DSC2: variants seen among roughly 807,000 people sequenced by gnomAD.
DSC2 encodes the protein desmocollin-2.
A neutral mutation model predicts 87.6 loss-of-function variants in DSC2; 51 were observed. The ratio of observed to expected loss-of-function variants is 0.58; its 90% confidence interval spans 0.46 to 0.74. The LOEUF is 0.74. Among genes scored for constraint, DSC2 ranks in the 30% least tolerant of loss-of-function variants. The probability of loss-of-function intolerance (pLI) is 0.00; values close to 1 mark genes in which losing one functional copy is unlikely to be tolerated. For synonymous variants in DSC2, 383 were observed against 393.2 expected, an observed-to-expected ratio of 0.97 and a Z score of 0.31; for missense variants, 1,066 against 1,089.5, an observed-to-expected ratio of 0.98 and a Z score of 0.30.
intron 1 of DSC2, among the ~76,000 whole-genome samples, chr18:31,099,315 A>C (rs1304415212): frequency 6.6e-6 from 1 of 152,192 alleles, no homozygotes; most frequent in Non-Finnish European, 1.5e-5. Flanking sequence ...AACTCATAGA[A>C]GCAGAAAATA....
chr18:31,075,027 G>A lies in DSC2; in HGVS notation c.1664-120C>T, dbSNP rs1356415193. 10 of 1,029,854 alleles carry A rather than the reference G, an allele frequency of 9.7e-6. No individual in the cohort carries two copies. The African/African-American group carries it at 1.4e-4, about 15-fold the overall frequency. The allele number at this position is 1,029,854 out of a possible 1,614,324, so 63.8% of individuals were successfully genotyped here. On this transcript the variant is annotated intron_variant, in intron 11 of 15. Transcript: ENST00000280904. ...TATAATGTAGAAGTTACAATGACAAGCAGTCACAAGCTATGTCCTCAGGGA... is the reference window on the plus strand; with the variant it reads ...TATAATGTAGAAGTTACAATGACAAACAGTCACAAGCTATGTCCTCAGGGA...
At chr18:31,076,031 T>C (rs1987005990) in intron 11 of DSC2, among the ~76,000 whole-genome samples, 1 of 152,210 alleles carries the variant, frequency 6.6e-6, no homozygotes, top group South Asian at 2.1e-4. Context: ...CCAGGAGTTC[T>C]GTCTCTAAAT....
chr18:31,067,978 T>G lies in DSC2; in HGVS notation c.*37A>C, dbSNP rs776618549. 1 of 1,600,344 alleles carries G rather than the reference T, an allele frequency of 6.2e-7. No homozygotes were observed. On this transcript the variant is annotated 3_prime_UTR_variant, in exon 16 of 16. Coordinates refer to ENST00000280904, the MANE Select transcript of DSC2 (RefSeq NM_024422.6). ...GGTTTGTAATTTTTTTTAAAAGTCA[T>G]AAAGCCACTGGCTTTCAGAGACTTA...
intron 3 of DSC2, 88 bp downstream of exon 3, chr18:31,092,013 T>C: frequency 2.9e-6 from 4 of 1,402,242 alleles, no homozygotes; most frequent in South Asian, 1.3e-5. Flanking sequence ...AACTATACCA[T>C]ATCCTTTCTG....
intron 14 of DSC2, 150 bp downstream of exon 14, chr18:31,070,576 G>T: frequency 9.5e-7 from 1 of 1,055,154 alleles, no homozygotes; most frequent in Non-Finnish European, 1.4e-6. Flanking sequence ...GTAAATCAAA[G>T]TCATTTTATC....
At chr18:31,097,176 T>C (rs1336347398) in intron 1 of DSC2, among the ~76,000 whole-genome samples, 2 of 151,112 alleles carry the variant, frequency 1.3e-5, no homozygotes, top group Non-Finnish European at 2.9e-5. Flanking sequence ...TAGTCCCGGC[T>C]ACTCGGGAGG....
intron 1 of DSC2, among the ~76,000 whole-genome samples, chr18:31,099,483 G>C (rs997997630): frequency 1.3e-5 from 2 of 150,182 alleles, no homozygotes; most frequent in African/African-American, 4.9e-5. Flanking sequence ...GTGTTAGGAG[G>C]GTAGATCTCA....
chr18:31,102,070 C>T lies in DSC2; in HGVS notation c.-99G>A, dbSNP rs1395018397. The T allele has an allele frequency of 9.2e-7, 1 of 1,084,706 alleles. No homozygotes were observed. The highest frequency in any genetic ancestry group is 1.2e-6 in the Non-Finnish European group (1 of 816,366). 67.2% of individuals were successfully genotyped at this position (1,084,706 alleles called of 1,614,324 possible). ...GCCGGAGCGCAGTCTGGGCCCGCTG[C>T]TCAGGAGGAGCGCGAGGCGGAGGAG... On this transcript the variant is annotated 5_prime_UTR_variant, in exon 1 of 16. Transcript: ENST00000280904.
At position 31,067,856 on chromosome 18, in the gene DSC2, G is replaced by T. The variant is rs1268940629; in HGVS notation, c.*159C>A. The T allele has an allele frequency of 4.5e-6, 3 of 673,390 alleles. No homozygotes were observed. The highest frequency in any genetic ancestry group is 7.5e-6 in the Non-Finnish European group (3 of 398,700). 41.7% of individuals were successfully genotyped at this position (673,390 alleles called of 1,614,324 possible). A position where few individuals can be genotyped will look rare whatever the true frequency, so the allele number is the denominator to read the frequency against. On this transcript the variant is annotated 3_prime_UTR_variant, in exon 16 of 16. Coordinates refer to ENST00000280904, the MANE Select transcript of DSC2 (RefSeq NM_024422.6). ...TGAAAAATTTGTGTACTTGTTTATA[G>T]TGTCTCTCTGTAAATGTGCATTTGA...
chr18:31,082,137 A>G, intron 9 of DSC2, 101 bp downstream of exon 9: 2 of 1,135,614 alleles, frequency 1.8e-6, no homozygotes, highest in Non-Finnish European at 2.5e-6. Context: ...TTATATACCT[A>G]TTTTATTCTA....
chr18:31,093,402 A>G (rs574972165), intron 2 of DSC2, among the ~76,000 whole-genome samples, 157 bp downstream of exon 2: 3 of 152,284 alleles, frequency 2.0e-5, no homozygotes, highest in East Asian at 3.9e-4. Flanking sequence ...TTGATTTTCT[A>G]TTCCTGTGTT....
chr18:31,079,880 T>A lies in DSC2; in HGVS notation c.1630A>T (p.Ile544Leu). The change falls in exon 11 of 16, where the codon ATA becomes TTA. Residue 544 changes from isoleucine (I) to leucine (L), a missense_variant. By Grantham distance (5) the Ile-to-Leu change is conservative. Coordinates refer to ENST00000280904, the MANE Select transcript of DSC2 (RefSeq NM_024422.6). Reference protein sequence around the residue: ...DREAETIKNGIYNITVLASDQ... With the variant: ...DREAETIKNGLYNITVLASDQ... The stretch of plus-strand genomic sequence containing the variant: ...GATGCAAGGACTGTAATATTATATA[T>A]GCCATTTTTGATGGTCTCTGCCTCT... 7 of 1,613,992 alleles carry A rather than the reference T, an allele frequency of 4.3e-6. No individual in the cohort carries two copies. The highest frequency in any genetic ancestry group is 3.3e-5 in the South Asian group (3 of 91,082).
chr18:31,067,807 A>T lies in DSC2; in HGVS notation c.*208T>A. 1.8e-6 allele frequency: 1 copy of T among 559,322 alleles called. No individual in the cohort carries two copies. The highest frequency in any genetic ancestry group is 3.2e-5 in the Admixed American group (1 of 31,668). 34.6% of individuals were successfully genotyped at this position (559,322 alleles called of 1,614,324 possible). On this transcript the variant is annotated 3_prime_UTR_variant, in exon 16 of 16. Coordinates refer to ENST00000280904, the MANE Select transcript of DSC2 (RefSeq NM_024422.6). ...TGTAGACCTCCTTGGATAGAAGATA[A>T]GTAATTTAAAAATATGTAAAAATTG...
At chr18:31,095,796 T>C (rs894127145) in intron 1 of DSC2, among the ~76,000 whole-genome samples, 4 of 151,940 alleles carry the variant, frequency 2.6e-5, no homozygotes, top group African/African-American at 4.8e-5. Flanking sequence ...CAGGGAGCTA[T>C]GGGAGAGCAG....
rs1987076603 is a variant in DSC2 at position 31,077,941 on chromosome 18, T to C, written c.1663+1906A>G. 2.6e-5 allele frequency among the ~76,000 whole-genome samples: 4 copies of C among 152,150 alleles called. No individual in the cohort carries two copies. In the South Asian group the frequency reaches 8.3e-4, roughly 32 times the overall value. ...AAGAAGTTAAGAAGAAAAGATAAATTGAATTTAAAGCTTAAGAAATATATA... is the reference window on the plus strand; with the variant it reads ...AAGAAGTTAAGAAGAAAAGATAAATCGAATTTAAAGCTTAAGAAATATATA... On this transcript the variant is annotated intron_variant, in intron 11 of 15. Coordinates refer to ENST00000280904, the MANE Select transcript of DSC2 (RefSeq NM_024422.6).
rs1598583853 is a variant in DSC2, at chr18:31,083,025, T to C, written c.978A>G (p.Gln326=). The change falls in exon 8 of 16, where the codon CAA becomes CAG. Residue 326 remains glutamine, a synonymous_variant. Coordinates refer to ENST00000280904, the MANE Select transcript of DSC2 (RefSeq NM_024422.6). Reference sequence around the variant, plus strand: ...GACCAAAATACTGACCATCCATGTCTTGTACTTTTATTTTCAACTGGTACT... The same window carrying C: ...GACCAAAATACTGACCATCCATGTCCTGTACTTTTATTTTCAACTGGTACT... ...IDKYQLKIKV[Q]DMDGQYFGLQ... is the part of the protein sequence containing the mutation. 1 of 1,613,034 alleles carries C rather than the reference T, an allele frequency of 6.2e-7. No individual in the cohort carries two copies. Among genetic ancestry groups the C allele is most frequent in the Non-Finnish European group, 8.5e-7 (1 of 1,179,734 alleles).
At chr18:31,093,478 T>A (rs1248255188) in intron 2 of DSC2, 81 bp downstream of exon 2, 1 of 1,121,716 alleles carries the variant, frequency 8.9e-7, no homozygotes, top group African/African-American at 1.6e-5. Flanking sequence ...ATCTCGTTCC[T>A]TTTTATGGCT....
intron 3 of DSC2, among the ~76,000 whole-genome samples, chr18:31,091,834 A>T (rs1304216733): frequency 6.6e-6 from 1 of 152,180 alleles, no homozygotes; most frequent in African/African-American, 2.4e-5. Context: ...CTCAAAAAAA[A>T]AATGCTGCTT....
In DSC2 at chr18:31,100,452, T is replaced by G. The variant is rs530176678; in HGVS notation, c.69+1451A>C. On this transcript the variant is annotated intron_variant, in intron 1 of 15. Coordinates refer to ENST00000280904, the MANE Select transcript of DSC2 (RefSeq NM_024422.6). Reference sequence around the variant, plus strand: ...TAGGAGTCTAATGAAAATTTATTTCTTACTCATCAACATATGTTCTGACCG... The same window carrying G: ...TAGGAGTCTAATGAAAATTTATTTCGTACTCATCAACATATGTTCTGACCG... Among the ~76,000 whole-genome samples the G allele has an allele frequency of 1.9e-3, 285 of 152,362 alleles. 1 individual carries two copies. The highest frequency in any genetic ancestry group is 6.5e-3 in the African/African-American group (272 of 41,586).
Sources: gnomAD v4.1 joint callset for allele counts (sites outside exome capture counted in the v4.1 genomes callset) on GRCh38, gnomAD v4.1.1 for gene constraint, MANE v1.5 for transcripts, NCBI Gene and HGNC (gene_info 2026-07-23, HGNC 2026-07-21) for gene names.